The following SLC5A4 variants were observed in gnomAD, a reference collection of about 807,000 sequenced individuals.
SLC5A4 encodes the protein probable glucose sensor protein SLC5A4.
Under a neutral mutation model 70.3 loss-of-function variants are expected in SLC5A4, and 55 were observed. The observed-to-expected ratio is 0.78, with a 90% CI of 0.63 to 0.98. The LOEUF is 0.98. SLC5A4 is among the 50% of genes least tolerant of loss of function. The pLI is 0.00. For missense variants in SLC5A4, 735 were observed against 839.2 expected (o/e 0.88, Z 1.53); for synonymous variants, 268 against 305.7 (o/e 0.88, Z 1.29).
At chr22:32,263,646 C>T in the SLC5A4 span, among the ~76,000 whole-genome samples, 1 of 152,200 alleles carries the variant, frequency 6.6e-6, no homozygotes, top group African/African-American at 2.4e-5. Context: ...TGTGGCGAAT[C>T]CTCAAGGATC....
the SLC5A4 span, among the ~76,000 whole-genome samples, chr22:32,305,756 G>A: frequency 7.3e-5 from 11 of 151,258 alleles, no homozygotes; most frequent in Admixed American, 1.3e-4. Context: ...CCTTGCCTAC[G>A]AGATGAGAAA....
At chr22:32,333,696 C>T in the SLC5A4 span, among the ~76,000 whole-genome samples, 9 of 152,024 alleles carry the variant, frequency 5.9e-5, no homozygotes, top group Admixed American at 6.5e-5. Flanking sequence ...GCTTCCCCAA[C>T]GTCCTTTCTA....
At chr22:32,270,199 G>A in the SLC5A4 span, 1 of 665,172 alleles carries the variant, frequency 1.5e-6, no homozygotes. Flanking sequence ...TACCTTTGAG[G>A]TGTGTGACAG....
chr22:32,301,160 A>G, the SLC5A4 span, among the ~76,000 whole-genome samples: 2 of 152,068 alleles, frequency 1.3e-5, no homozygotes, highest in African/African-American at 2.4e-5. Context: ...ACGGGGTTTC[A>G]CCATCTTGAC....
At chr22:32,332,887 G>A in the SLC5A4 span, among the ~76,000 whole-genome samples, 32 of 152,160 alleles carry the variant, frequency 2.1e-4, no homozygotes, top group Admixed American at 1.8e-3. Context: ...GCCTCTGTCC[G>A]TAACTCCTGC....
intron 11 of SLC5A4, among the ~76,000 whole-genome samples, chr22:32,226,591 A>C (rs1445869241): frequency 3.3e-5 from 5 of 152,264 alleles, no homozygotes; most frequent in Non-Finnish European, 7.3e-5. Context: ...GCATCCTTGC[A>C]ACAACTAAAT....
At chr22:32,268,040 C>T in the SLC5A4 span, among the ~76,000 whole-genome samples, 9 of 152,208 alleles carry the variant, frequency 5.9e-5, no homozygotes, top group East Asian at 1.7e-3. Context: ...AGGAGAATGG[C>T]GTAAACCCAG....
At chr22:32,305,068 G>A in the SLC5A4 span, among the ~76,000 whole-genome samples, 1 of 152,032 alleles carries the variant, frequency 6.6e-6, no homozygotes. Flanking sequence ...TATATATTCT[G>A]TTCATTGTCT....
chr22:32,225,379 T>C (rs553929853), intron 12 of SLC5A4, among the ~76,000 whole-genome samples: 6 of 152,330 alleles, frequency 3.9e-5, no homozygotes, highest in Non-Finnish European at 7.3e-5. Flanking sequence ...ATAGCCATGA[T>C]TGGGCCCTGG....
the SLC5A4 span, among the ~76,000 whole-genome samples, chr22:32,341,812 T>C: frequency 6.6e-6 from 1 of 152,192 alleles, no homozygotes; most frequent in East Asian, 1.9e-4. Context: ...CAGCGTGTTT[T>C]CAACTCATGC....
intron 5 of SLC5A4, among the ~76,000 whole-genome samples, chr22:32,240,026 A>G (rs1926424153): frequency 6.7e-6 from 1 of 150,022 alleles, no homozygotes. Context: ...CCATCTCAAA[A>G]AAAAAAAAAA....
chr22:32,254,331 T>C, intron 1 of SLC5A4, 118 bp from the exon 2 acceptor site: 1 of 708,980 alleles, frequency 1.4e-6, no homozygotes, highest in Non-Finnish European at 2.6e-6. Flanking sequence ...AGAGAAACAT[T>C]TCGCTGGAAA....
At chr22:32,261,778 G>T in the SLC5A4 span, among the ~76,000 whole-genome samples, 1 of 152,138 alleles carries the variant, frequency 6.6e-6, no homozygotes, top group South Asian at 2.1e-4. Flanking sequence ...TATTCATTCT[G>T]TTTTTTTGTA....
chr22:32,219,507 A>T (rs1308414180), intron 14 of SLC5A4, among the ~76,000 whole-genome samples: 1 of 152,078 alleles, frequency 6.6e-6, no homozygotes, highest in African/African-American at 2.4e-5. Flanking sequence ...TGTGAGATTT[A>T]AAACAGTATT....
chr22:32,236,705 ATT>A (rs551794690), intron 7 of SLC5A4, among the ~76,000 whole-genome samples: 21 of 142,818 alleles, frequency 1.5e-4, no homozygotes, highest in Admixed American at 2.8e-4. Context: ...CTAAGCAGTA[ATT>A]TTTTTTTTTT....
the SLC5A4 span, among the ~76,000 whole-genome samples, chr22:32,325,522 C>A: frequency 1.3e-5 from 2 of 152,184 alleles, no homozygotes; most frequent in Non-Finnish European, 2.9e-5. Context: ...AAGATGCTCC[C>A]GGCAGGGGTG....
intron 6 of SLC5A4, among the ~76,000 whole-genome samples, chr22:32,238,119 G>A (rs954782052): frequency 6.6e-6 from 1 of 151,842 alleles, no homozygotes; most frequent in African/African-American, 2.4e-5. Context: ...CCTAGCAACA[G>A]CCAGTACCAC....
At chr22:32,229,373 G>A (rs745681694) in intron 10 of SLC5A4, 29 bp from the exon 11 acceptor site, 3 of 1,608,848 alleles carry the variant, frequency 1.9e-6, no homozygotes, top group African/African-American at 2.7e-5. Context: ...ACAAGCACTG[G>A]TTAGTGGCTG....
At chr22:32,321,906 C>T in the SLC5A4 span, among the ~76,000 whole-genome samples, 1 of 152,208 alleles carries the variant, frequency 6.6e-6, no homozygotes, top group African/African-American at 2.4e-5. Flanking sequence ...ATAGGTCTTG[C>T]ACATAAAACG....
Sources: allele counts gnomAD v4.1 joint callset (sites outside exome capture counted in the v4.1 genomes callset), GRCh38; gene constraint gnomAD v4.1.1; transcripts MANE v1.5; gene names NCBI Gene and HGNC (gene_info 2026-07-23, HGNC 2026-07-21).